EIF4G3: variants seen among roughly 807,000 people sequenced by gnomAD.
EIF4G3 encodes eIF-4-gamma 3.
Under a neutral mutation model 186.4 loss-of-function variants are expected in EIF4G3, and 34 were observed. The ratio of observed to expected loss-of-function variants is 0.18; its 90% CI spans 0.14 to 0.24. The LOEUF (loss-of-function observed/expected upper bound fraction) is 0.24. EIF4G3 is among the 10% of genes least tolerant of loss of function. The pLI is 1.00. For synonymous variants in EIF4G3, 673 were observed against 679.5 expected (o/e 0.99, Z 0.15); for missense variants, 1,536 against 1,948.5 (o/e 0.79, Z 3.99).
intron 11 of EIF4G3, among the ~76,000 whole-genome samples, chr1:20,972,541 T>C (rs772306374): frequency 2.0e-5 from 3 of 151,796 alleles, no homozygotes; most frequent in Non-Finnish European, 4.4e-5. Flanking sequence ...GGCTGAGGCA[T>C]GAGAATCGCT....
At chr1:21,167,321 T>A (rs1332325548) in intron 2 of EIF4G3, among the ~76,000 whole-genome samples, 1 of 152,190 alleles carries the variant, frequency 6.6e-6, no homozygotes, top group African/African-American at 2.4e-5. Context: ...CATGAATCCC[T>A]GTGGTCTTTT....
intron 2 of EIF4G3, among the ~76,000 whole-genome samples, chr1:21,123,400 T>G (rs2096961774): frequency 6.6e-6 from 1 of 151,670 alleles, no homozygotes; most frequent in African/African-American, 2.4e-5. Context: ...CTGTCTCTAC[T>G]AAAAATACAA....
In EIF4G3 at chr1:20,891,755, G is replaced by A. The variant is rs376665412; in HGVS notation, c.2253+1762C>T. ...CAGTGAGTGGAGATCACGCCACTGC[G>A]CTCCAGCCTGGGCGACAGAGCGACA... is the stretch of plus-strand genomic sequence containing the variant. On this transcript the variant is annotated intron_variant, in intron 18 of 36. Coordinates refer to ENST00000602326, the MANE Select transcript of EIF4G3 (RefSeq NM_001391906.1). 1.6e-3 allele frequency among the ~76,000 whole-genome samples: 245 copies of A among 150,138 alleles called. 9 individuals are homozygous for A. In the East Asian group the frequency reaches 0.045, roughly 28 times the overall value.
chr1:20,862,999 G>A (rs569234992), intron 22 of EIF4G3, among the ~76,000 whole-genome samples: 12 of 152,172 alleles, frequency 7.9e-5, no homozygotes, highest in African/African-American at 2.4e-4. Context: ...ATGTTACCCA[G>A]GCTGGTCTCA....
chr1:20,942,264 C>T lies in EIF4G3; in HGVS notation c.890G>A (p.Gly297Glu). The change falls in exon 14 of 37, where the codon GGA (glycine) becomes GAA (glutamate). Residue 297 changes from glycine to glutamate, a missense_variant. This residue lies in a region of EIF4G3 where 560 missense variants were observed against 547.8 expected (regional missense o/e 1.02). Transcript: ENST00000602326. ...CTGGCCTTCTTGTTCTTTCTTCTCT[C>T]CACTGAGGACTAGCCTAAGGACTGG... is the stretch of plus-strand genomic sequence containing the variant. ...PSPVLRLVLS[G>E]EKKEQEGQTS... 1.2e-6 allele frequency: 2 copies of T among 1,613,576 alleles called. No homozygotes were observed. Among genetic ancestry groups the T allele is most frequent in the Non-Finnish European group, 1.7e-6 (2 of 1,179,678 alleles).
intron 26 of EIF4G3, among the ~76,000 whole-genome samples, chr1:20,854,675 A>G (rs1054994759): frequency 2.9e-4 from 44 of 151,780 alleles, no homozygotes; most frequent in African/African-American, 9.4e-4. Flanking sequence ...ACTACACTCC[A>G]GCCTGGGTGA....
intron 12 of EIF4G3, among the ~76,000 whole-genome samples, chr1:20,955,468 CA>C (rs1369220409): frequency 2.6e-5 from 4 of 152,024 alleles, no homozygotes; most frequent in Non-Finnish European, 2.9e-5. Flanking sequence ...CTCCTGGGCT[CA>C]AGTAATCCTC....
intron 14 of EIF4G3, among the ~76,000 whole-genome samples, chr1:20,919,755 GA>G (rs2094320195): frequency 6.6e-6 from 1 of 152,118 alleles, no homozygotes; most frequent in South Asian, 2.1e-4. Context: ...CTCTAGCTAT[GA>G]ATTTTGAGAA....
chr1:20,862,177 C>T, intron 23 of EIF4G3, 51 bp downstream of exon 23: 1 of 1,163,512 alleles, frequency 8.6e-7, no homozygotes. Context: ...AACCCAATTC[C>T]TTTAAAGAGA....
At chr1:21,025,598 C>G (rs987045305) in intron 4 of EIF4G3, among the ~76,000 whole-genome samples, 23 of 152,162 alleles carry the variant, frequency 1.5e-4, no homozygotes, top group Admixed American at 1.3e-4. Context: ...ATGATTGGGT[C>G]CCAGGCTATC....
intron 14 of EIF4G3, among the ~76,000 whole-genome samples, chr1:20,927,813 A>G (rs1381962408): frequency 1.3e-5 from 2 of 152,154 alleles, no homozygotes; most frequent in Non-Finnish European, 1.5e-5. Flanking sequence ...TGGATATTTC[A>G]TATCTGTGAC....
At chr1:21,150,553 C>T (rs925623643) in intron 2 of EIF4G3, among the ~76,000 whole-genome samples, 2 of 152,150 alleles carry the variant, frequency 1.3e-5, no homozygotes, top group African/African-American at 4.8e-5. Flanking sequence ...AAAATCTAAA[C>T]GCATTTCAAA....
At chr1:21,125,002 C>T (rs1177846772) in intron 2 of EIF4G3, among the ~76,000 whole-genome samples, 1 of 152,146 alleles carries the variant, frequency 6.6e-6, no homozygotes, top group Non-Finnish European at 1.5e-5. Context: ...ATAAGTTCCA[C>T]AATTCCTCAT....
At chr1:20,854,793 C>T (rs1331557566) in intron 26 of EIF4G3, among the ~76,000 whole-genome samples, 185 bp downstream of exon 26, 1 of 151,950 alleles carries the variant, frequency 6.6e-6, no homozygotes, top group Non-Finnish European at 1.5e-5. Flanking sequence ...TAAAAAAATA[C>T]TTAAAATTAT....
At position 20,942,064 on chromosome 1, in the gene EIF4G3, C is replaced by T. The variant is rs201667762; in HGVS notation, c.1090G>A (p.Glu364Lys). The change falls in exon 14 of 37, where the codon GAA becomes AAA. Residue 364 changes from glutamate to lysine, a missense_variant. This residue lies in a region of EIF4G3 where 560 missense variants were observed against 547.8 expected (regional missense o/e 1.02). Coordinates refer to ENST00000602326, the MANE Select transcript of EIF4G3 (RefSeq NM_001391906.1). ...AGGCTGGGTATAGGAATTGTGTCTT[C>T]TCTTGGGGATGAGAGTTCACATCTG... Reference protein sequence around the residue: ...DDRCELSSPREDTIPIPSLTS... With the variant: ...DDRCELSSPRKDTIPIPSLTS... The T allele has an allele frequency of 6.2e-7, 1 of 1,614,128 alleles. No homozygotes were observed. Among genetic ancestry groups the T allele is most frequent in the East Asian group, 2.2e-5 (1 of 44,876 alleles).
chr1:21,067,948 T>TA (rs2095307685), intron 3 of EIF4G3, among the ~76,000 whole-genome samples: 1 of 151,256 alleles, frequency 6.6e-6, no homozygotes, highest in East Asian at 1.9e-4. Context: ...AAAAATAAAA[T>TA]AAAAAAAGAA....
At chr1:20,971,536 T>A (rs914577923) in intron 11 of EIF4G3, among the ~76,000 whole-genome samples, 1 of 152,262 alleles carries the variant, frequency 6.6e-6, no homozygotes, top group African/African-American at 2.4e-5. Context: ...GACTGTAGTG[T>A]CATGATACAT....
chr1:21,026,247 A>G (rs1432691849), intron 4 of EIF4G3, among the ~76,000 whole-genome samples: 1 of 152,204 alleles, frequency 6.6e-6, no homozygotes, highest in Admixed American at 6.5e-5. Context: ...ACCCACAAAT[A>G]TATGTTCAAA....
intron 34 of EIF4G3, 106 bp from the exon 35 acceptor site, chr1:20,813,345 C>A: frequency 1.8e-6 from 1 of 545,850 alleles, no homozygotes. Context: ...AGGAGGATCA[C>A]TTGAGGCTAG....
Sources: gnomAD v4.1 joint callset for allele counts (sites outside exome capture counted in the v4.1 genomes callset) on GRCh38, gnomAD v4.1.1 for gene constraint, gnomAD v4.1.1 regional missense constraint, MANE v1.5 for transcripts, NCBI Gene and HGNC (gene_info 2026-07-23, HGNC 2026-07-21) for gene names.